ROCK1: variants seen among roughly 807,000 people sequenced by gnomAD.
The protein encoded by ROCK1 is Rho associated coiled-coil containing protein kinase 1.
Under a neutral mutation model 196.8 loss-of-function variants are expected in ROCK1, and 36 were observed. The observed-to-expected ratio is 0.18, with a 90% CI of 0.14 to 0.24. The LOEUF is 0.24. Among genes scored for constraint, ROCK1 ranks in the 10% least tolerant of loss-of-function variants. The pLI, the probability that ROCK1 is intolerant of heterozygous loss-of-function variation, is 1.00. For missense variants in ROCK1, 920 were observed against 1,562.0 expected (o/e 0.59, Z 6.93); for synonymous variants, 443 against 515.9 (o/e 0.86, Z 1.91).
At chr18:21,054,891 ACTCT>A (rs1425275567) in intron 2 of ROCK1, among the ~76,000 whole-genome samples, 2 of 151,668 alleles carry the variant, frequency 1.3e-5, no homozygotes, top group African/African-American at 4.8e-5. Flanking sequence ...GAAAACTTAC[ACTCT>A]CTAAGCACTC....
chr18:20,960,345 C>T (rs1330606180), intron 27 of ROCK1, 139 bp from the exon 28 acceptor site: 4 of 582,224 alleles, frequency 6.9e-6, no homozygotes, highest in Non-Finnish European at 1.2e-5. Flanking sequence ...CTCTTCCATG[C>T]TTCAATCACA....
chr18:21,094,774 C>T (rs1277965754), intron 1 of ROCK1, among the ~76,000 whole-genome samples: 2 of 147,798 alleles, frequency 1.4e-5, no homozygotes, highest in Middle Eastern at 3.7e-3. Context: ...TGGCCAGGCG[C>T]GGTGGCTCAC....
At chr18:20,961,343 G>C (rs1372909179) in intron 27 of ROCK1, among the ~76,000 whole-genome samples, 4 of 151,954 alleles carry the variant, frequency 2.6e-5, no homozygotes, top group Non-Finnish European at 4.4e-5. Flanking sequence ...GTTAACAATA[G>C]GTAACATTTA....
intron 16 of ROCK1, among the ~76,000 whole-genome samples, chr18:21,000,265 TC>T: frequency 6.7e-6 from 1 of 148,816 alleles, no homozygotes; most frequent in South Asian, 2.1e-4. Flanking sequence ...CAATTGATTT[TC>T]TTTTTTTTTT....
At chr18:21,028,964 C>T in intron 9 of ROCK1, 29 bp from the exon 10 acceptor site, 1 of 1,595,298 alleles carries the variant, frequency 6.3e-7, no homozygotes, top group Non-Finnish European at 8.5e-7. Context: ...TAGTTGTTCA[C>T]TTCAAACTTA....
Position 20,982,751 on chromosome 18 carries a change from A to G in ROCK1, c.2559+12T>C. 7.2e-7 allele frequency: 1 copy of G among 1,394,220 alleles called. No individual in the cohort carries two copies. The highest frequency in any genetic ancestry group is 1.0e-6 in the Non-Finnish European group (1 of 985,534). 86.4% of individuals were successfully genotyped at this position (1,394,220 alleles called of 1,614,324 possible). On this transcript the variant is annotated intron_variant, in intron 21 of 32. Coordinates refer to ENST00000399799, the MANE Select transcript of ROCK1 (RefSeq NM_005406.3). ...TGAAACAGTGTGTATGTTAAAAATG[A>G]TTCTCACTTACCGAGAAATATTGCT...
intron 16 of ROCK1, among the ~76,000 whole-genome samples, chr18:20,999,595 T>C (rs987644455): frequency 3.9e-5 from 6 of 152,174 alleles, no homozygotes; most frequent in African/African-American, 9.7e-5. Context: ...AATTTGTATA[T>C]AGAAAACTAA....
At position 20,949,728 on chromosome 18, in the gene ROCK1, C is replaced by G. The variant is rs2035165001; in HGVS notation, c.*1656G>C. 6.6e-6 allele frequency: 1 copy of G among 152,470 alleles called. No homozygotes were observed. The highest frequency in any genetic ancestry group is 1.5e-5 in the Non-Finnish European group (1 of 68,028). 9.4% of individuals were successfully genotyped at this position (152,470 alleles called of 1,614,324 possible). A position where few individuals can be genotyped will look rare whatever the true frequency, so the allele number is the denominator to read the frequency against. ...AACTATTCCCACTCTTGTTTTAGAGCCCAAGACCACGTTTTATCTTTTAAA... is the reference window on the plus strand; with the variant it reads ...AACTATTCCCACTCTTGTTTTAGAGGCCAAGACCACGTTTTATCTTTTAAA... On this transcript the variant is annotated 3_prime_UTR_variant, in exon 33 of 33. Transcript: ENST00000399799.
chr18:21,038,484 T>C (rs2036076471), intron 9 of ROCK1, among the ~76,000 whole-genome samples: 2 of 152,160 alleles, frequency 1.3e-5, no homozygotes, highest in East Asian at 3.8e-4. Context: ...AATACAATTG[T>C]TCTTTTAAAA....
intron 29 of ROCK1, among the ~76,000 whole-genome samples, chr18:20,959,429 C>G (rs1416414273): frequency 6.6e-6 from 1 of 150,696 alleles, no homozygotes; most frequent in East Asian, 2.0e-4. Flanking sequence ...TCAGGCTGGT[C>G]TTGAATTCCT....
chr18:21,060,740 G>A (rs779701389), intron 2 of ROCK1, among the ~76,000 whole-genome samples: 32 of 150,776 alleles, frequency 2.1e-4, no homozygotes, highest in Non-Finnish European at 3.2e-4. Context: ...TAGGGAGGCT[G>A]AGGCAGGAGA....
At chr18:21,106,434 G>A (rs184141291) in intron 1 of ROCK1, among the ~76,000 whole-genome samples, 11 of 152,136 alleles carry the variant, frequency 7.2e-5, no homozygotes, top group Admixed American at 2.0e-4. Context: ...CTCCAGGAGC[G>A]AGCCACTGCA....
intron 9 of ROCK1, among the ~76,000 whole-genome samples, chr18:21,037,111 T>C (rs2036064436): frequency 6.6e-6 from 1 of 152,144 alleles, no homozygotes. Flanking sequence ...GTAAGTTATT[T>C]AGGTCTTTTC....
chr18:21,042,684 G>A lies in ROCK1; in HGVS notation c.701C>T (p.Ala234Val). 5 of 1,612,754 alleles carry A rather than the reference G, an allele frequency of 3.1e-6. No individual in the cohort carries two copies. Among genetic ancestry groups the A allele is most frequent in the Non-Finnish European group, 4.2e-6 (5 of 1,179,250 alleles). The change falls in exon 7 of 33, where the codon GCG becomes GTG. Residue 234 changes from alanine to valine, a missense_variant. Physicochemically the swap from Ala to Val is moderately conservative, Grantham distance 64. Transcript: ENST00000399799. Reference protein sequence around the residue: ...NKEGMVRCDTAVGTPDYISPE... With the variant: ...NKEGMVRCDTVVGTPDYISPE... ...GGAAATATAATCAGGTGTTCCAACC[G>A]CTGTATCACATCGTACCATGCCTTC... is the stretch of plus-strand genomic sequence containing the variant.
Position 20,950,653 on chromosome 18 carries a change from T to G in ROCK1, c.*731A>C, listed in dbSNP as rs1598503561. On this transcript the variant is annotated 3_prime_UTR_variant, in exon 33 of 33. Coordinates refer to ENST00000399799, the MANE Select transcript of ROCK1 (RefSeq NM_005406.3). ...TTCTTTTGTACAGTTAGTTTCCTAA[T>G]GTCTCTAGTAGTAAAATAACTCAAT... 2 of 152,428 alleles carry G rather than the reference T, an allele frequency of 1.3e-5. No individual in the cohort carries two copies. Among genetic ancestry groups the G allele is most frequent in the South Asian group, 4.2e-4 (2 of 4,812 alleles). 9.4% of individuals were successfully genotyped at this position (152,428 alleles called of 1,614,324 possible). A position where few individuals can be genotyped will look rare whatever the true frequency, so the allele number is the denominator to read the frequency against.
At chr18:20,957,662 A>G (rs1400730518) in intron 29 of ROCK1, among the ~76,000 whole-genome samples, 4 of 151,936 alleles carry the variant, frequency 2.6e-5, no homozygotes, top group African/African-American at 7.2e-5. Context: ...TTGTATTTTT[A>G]GTAGAGACAG....
intron 1 of ROCK1, among the ~76,000 whole-genome samples, chr18:21,078,595 C>T (rs2036456277): frequency 6.6e-6 from 1 of 152,118 alleles, no homozygotes; most frequent in Non-Finnish European, 1.5e-5. Context: ...GAGACTAGTT[C>T]TGAACCCAGA....
At position 20,970,442 on chromosome 18, in the gene ROCK1, A is replaced by C; in HGVS notation, c.2726T>G (p.Leu909Arg). The C allele has an allele frequency of 6.2e-7, 1 of 1,614,002 alleles. No individual in the cohort carries two copies. The highest frequency in any genetic ancestry group is 8.5e-7 in the Non-Finnish European group (1 of 1,179,878). ...AESEQLARGL[L>R]EEQYFELTQE... is the part of the protein sequence containing the mutation. ...CGTCAATTCAAAATACTGTTCTTCC[A>C]GAAGGCCTCGCGCCAACTGCTCAGA... Residue 909 changes from leucine to arginine, a missense_variant, in exon 23 of 33, where the codon CTG becomes CGG. Physicochemically the swap from Leu to Arg is moderately radical, Grantham distance 102. This residue lies in a region of ROCK1 where 520 missense variants were observed against 657.1 expected (regional missense o/e 0.79). Transcript: ENST00000399799.
chr18:20,982,585 A>G lies in ROCK1; in HGVS notation c.2559+178T>C, dbSNP rs565005250. Among the ~76,000 whole-genome samples the G allele has an allele frequency of 3.9e-5, 6 of 152,298 alleles. No individual in the cohort carries two copies. The South Asian group carries it at 1.0e-3, about 26-fold the overall frequency. ...TTTTACAATTTAAAAACATATACCA[A>G]TGATAGCCTAATATGCCAAGAAACA... On this transcript the variant is annotated intron_variant, in intron 21 of 32. Transcript: ENST00000399799.
Sources: allele counts gnomAD v4.1 joint callset (sites outside exome capture counted in the v4.1 genomes callset), GRCh38; gene constraint gnomAD v4.1.1; regional missense constraint gnomAD v4.1.1; transcripts MANE v1.5; gene names NCBI Gene and HGNC (gene_info 2026-07-23, HGNC 2026-07-21).